Variants in SCP2 observed in about 807,000 individuals in gnomAD.
SCP2 encodes sterol carrier protein 2, also known as SCP-2/3-oxoacyl-CoA thiolase.
SCP2 carries 48 observed loss-of-function variants against 71.4 expected under a neutral mutation model. The observed-to-expected ratio is 0.67, with a 90% confidence interval of 0.53 to 0.86. The LOEUF is 0.86. SCP2 is among the 40% of genes least tolerant of loss of function. The pLI is 0.00. For synonymous variants in SCP2, 220 were observed against 218.1 expected (o/e 1.01, Z -0.08); for missense variants, 560 against 655.6 (o/e 0.85, Z 1.59).
At chr1:52,970,510 C>T (rs866996361) in intron 6 of SCP2, among the ~76,000 whole-genome samples, 30 of 152,098 alleles carry the variant, frequency 2.0e-4, no homozygotes, top group African/African-American at 6.8e-4. Context: ...CTCAATTGCA[C>T]CAAAAGGGAC....
intron 2 of SCP2, chr1:52,943,605 A>G (rs1202396596): frequency 2.4e-6 from 1 of 414,774 alleles, no homozygotes. Flanking sequence ...TGGATAGTGC[A>G]CAGGTTGGTG....
intron 11 of SCP2, chr1:52,995,889 C>A: frequency 6.8e-7 from 1 of 1,469,636 alleles, no homozygotes; most frequent in African/African-American, 1.4e-5. Context: ...TGGTACACAG[C>A]TGAGGGCATG....
At chr1:52,933,920 G>A (rs982581663) in intron 1 of SCP2, among the ~76,000 whole-genome samples, 2 of 152,190 alleles carry the variant, frequency 1.3e-5, no homozygotes, top group African/African-American at 4.8e-5. Context: ...ATGAATCAAA[G>A]CACTGGCACC....
At chr1:52,973,949 T>A (rs1250206954) in intron 6 of SCP2, among the ~76,000 whole-genome samples, 1 of 152,220 alleles carries the variant, frequency 6.6e-6, no homozygotes, top group East Asian at 1.9e-4. Context: ...GGAATTTATC[T>A]TCTCTTTTTA....
intron 1 of SCP2, among the ~76,000 whole-genome samples, chr1:52,937,642 T>C (rs1429425023): frequency 4.6e-5 from 7 of 152,234 alleles, no homozygotes; most frequent in Admixed American, 2.0e-4. Context: ...AAGTCACATA[T>C]CATGTTTCAA....
intron 1 of SCP2, among the ~76,000 whole-genome samples, chr1:52,936,603 C>T (rs1200023740): frequency 6.6e-6 from 1 of 152,156 alleles, no homozygotes; most frequent in African/African-American, 2.4e-5. Context: ...GGTTCTTCAA[C>T]AGACACATCT....
intron 6 of SCP2, among the ~76,000 whole-genome samples, chr1:52,974,254 C>T (rs34189188): frequency 0.067 from 10,125 of 151,894 alleles, 581 homozygotes; most frequent in East Asian, 0.21. Flanking sequence ...TTTCCTGACA[C>T]GATTATTTAA....
chr1:53,040,613 CAGG>C (rs1474398583), intron 14 of SCP2, among the ~76,000 whole-genome samples: 1 of 152,054 alleles, frequency 6.6e-6, no homozygotes, highest in Non-Finnish European at 1.5e-5. Flanking sequence ...CCCAGCTACT[CAGG>C]AGGCTGAGGC....
At chr1:53,011,321 C>CA (rs1399513864) in intron 11 of SCP2, among the ~76,000 whole-genome samples, 1 of 152,170 alleles carries the variant, frequency 6.6e-6, no homozygotes, top group Non-Finnish European at 1.5e-5. Context: ...GAGAATAACT[C>CA]AAAATGTTAT....
intron 7 of SCP2, 98 bp from the exon 8 acceptor site, chr1:52,976,585 G>A: frequency 1.3e-6 from 1 of 749,852 alleles, no homozygotes; most frequent in East Asian, 2.5e-5. Flanking sequence ...TCTTCTGGTT[G>A]TGAAAATAAT....
At chr1:52,968,760 T>C (rs1302138074) in intron 6 of SCP2, among the ~76,000 whole-genome samples, 1 of 151,960 alleles carries the variant, frequency 6.6e-6, no homozygotes, top group African/African-American at 2.4e-5. Flanking sequence ...CAACAGGGGG[T>C]TTAGTGGTAC....
rs187177456 is a variant in SCP2, at chr1:52,939,453, G to A, written c.70-2343G>A. ...CTCAGCTACTCAGGAGGCTGAGGTG[G>A]GAGGATTGCTTGAGCCCGGGAAGTT... On this transcript the variant is annotated intron_variant, in intron 1 of 15. Coordinates refer to ENST00000371514, the MANE Select transcript of SCP2 (RefSeq NM_002979.5). Among the ~76,000 whole-genome samples, 74 of 152,208 alleles carry A rather than the reference G, an allele frequency of 4.9e-4. 1 individual carries two copies. In the East Asian group the frequency reaches 0.014, roughly 28 times the overall value.
chr1:53,028,518 T>G (rs1367849327), intron 13 of SCP2, among the ~76,000 whole-genome samples: 2 of 152,180 alleles, frequency 1.3e-5, no homozygotes, highest in African/African-American at 4.8e-5. Context: ...TTTTGATTTC[T>G]TAAAGTAGTT....
chr1:52,988,864 T>C (rs529108203), intron 11 of SCP2, among the ~76,000 whole-genome samples: 2 of 151,952 alleles, frequency 1.3e-5, no homozygotes, highest in African/African-American at 4.8e-5. Context: ...TTTTGTATTT[T>C]TTTTTTTAGT....
chr1:53,047,760 G>T, intron 14 of SCP2, 98 bp from the exon 15 acceptor site: 2 of 821,358 alleles, frequency 2.4e-6, no homozygotes, highest in Non-Finnish European at 4.3e-6. Context: ...CCTCAGTGCT[G>T]GTTATAATTC....
intron 10 of SCP2, among the ~76,000 whole-genome samples, chr1:52,982,686 G>A (rs1658642217): frequency 6.6e-6 from 1 of 152,156 alleles, no homozygotes; most frequent in Non-Finnish European, 1.5e-5. Context: ...ATAAAATGTA[G>A]AAGCCTTGCA....
intron 6 of SCP2, among the ~76,000 whole-genome samples, chr1:52,970,782 C>T (rs758998557): frequency 1.3e-5 from 2 of 151,576 alleles, no homozygotes; most frequent in Admixed American, 6.6e-5. Flanking sequence ...TGTGTAGAAA[C>T]GTGAGCAGTT....
intron 11 of SCP2, among the ~76,000 whole-genome samples, chr1:53,003,388 T>C (rs1202366672): frequency 6.6e-6 from 1 of 152,102 alleles, no homozygotes; most frequent in Non-Finnish European, 1.5e-5. Context: ...CTGGCTAATT[T>C]TTTACATTTT....
At chr1:52,959,039 G>C (rs1289903498) in intron 5 of SCP2, among the ~76,000 whole-genome samples, 1 of 152,078 alleles carries the variant, frequency 6.6e-6, no homozygotes, top group Admixed American at 6.5e-5. Context: ...TTTAATACGA[G>C]AATAATGCTG....
Sources: allele counts gnomAD v4.1 joint callset (sites outside exome capture counted in the v4.1 genomes callset), GRCh38; gene constraint gnomAD v4.1.1; transcripts MANE v1.5; gene names NCBI Gene and HGNC (gene_info 2026-07-23, HGNC 2026-07-21).